GSG1L2: variants seen among roughly 807,000 people sequenced by gnomAD.
GSG1L2 encodes GSG1 like 2.
A neutral mutation model predicts 9.0 loss-of-function variants in GSG1L2; 15 were observed. The ratio of observed to expected loss-of-function variants is 1.67; its 90% confidence interval spans 1.12 to 2.57. GSG1L2 has a LOEUF of 2.57. Among genes scored for constraint, GSG1L2 ranks in the 30% most tolerant of loss-of-function variants. GSG1L2 has a pLI of 0.00. For synonymous variants in GSG1L2, 127 were observed against 57.9 expected (o/e 2.19, Z -5.41); for missense variants, 286 against 150.3 (o/e 1.90, Z -4.72).
rs2066496959 is a variant in GSG1L2 at position 9,801,563 on chromosome 17, C to T, written c.*823G>A. On this transcript the variant is annotated 3_prime_UTR_variant, in exon 5 of 5. Transcript: ENST00000399363. ...AATTATGTGTGGAACAACCTGTGGC[C>T]TGAATAACATGGTAGCTGGACATGG... Among the ~76,000 whole-genome samples the T allele has an allele frequency of 6.6e-6, 1 of 152,138 alleles. No homozygotes were observed. The highest frequency in any genetic ancestry group is 2.4e-5 in the African/African-American group (1 of 41,414).
intron 1 of GSG1L2, among the ~76,000 whole-genome samples, chr17:9,819,665 T>A (rs1000603134): frequency 6.6e-6 from 1 of 152,076 alleles, no homozygotes; most frequent in Non-Finnish European, 1.5e-5. Flanking sequence ...AGAGTTTTGC[T>A]CTTGTTGCCC....
chr17:9,816,860 A>C (rs111953440), intron 1 of GSG1L2, among the ~76,000 whole-genome samples: 2 of 130,592 alleles, frequency 1.5e-5, no homozygotes, highest in Admixed American at 7.2e-5. Context: ...GTGTATCTGT[A>C]TGTGTGTGTC....
At chr17:9,816,490 G>GCC (rs2066561808) in intron 1 of GSG1L2, among the ~76,000 whole-genome samples, 1 of 122,964 alleles carries the variant, frequency 8.1e-6, no homozygotes, top group Non-Finnish European at 1.7e-5. Flanking sequence ...GTGTGTGCAT[G>GCC]TGTCTGTGTG....
chr17:9,813,412 T>G (rs903671404), intron 1 of GSG1L2, among the ~76,000 whole-genome samples: 1 of 152,138 alleles, frequency 6.6e-6, no homozygotes, highest in African/African-American at 2.4e-5. Flanking sequence ...AAGGAGAATA[T>G]TTACACAGCC....
At chr17:9,817,882 C>T (rs1052446406) in intron 1 of GSG1L2, among the ~76,000 whole-genome samples, 7 of 152,248 alleles carry the variant, frequency 4.6e-5, no homozygotes, top group Admixed American at 1.3e-4. Context: ...CTTCTCTCCC[C>T]TGCCTTGCAT....
intron 2 of GSG1L2, chr17:9,809,626 G>T (rs1416163698): frequency 1.3e-5 from 2 of 155,012 alleles, no homozygotes; most frequent in Admixed American, 6.4e-5. Context: ...ATTTTACAGA[G>T]TGCTGATTGG....
At chr17:9,808,438 G>A (rs558544016) in intron 3 of GSG1L2, among the ~76,000 whole-genome samples, 2 of 152,174 alleles carry the variant, frequency 1.3e-5, no homozygotes, top group African/African-American at 4.8e-5. Context: ...ATACATTATA[G>A]TGTTCTGTCT....
At position 9,801,200 on chromosome 17, in the gene GSG1L2, C is replaced by A. The variant is rs527502883; in HGVS notation, c.*1186G>T. ...GGTTGTTAGAGTTTGCAGTCCCTTTCTTTTCTTTTTCTTTTTCTTTTTTTT... is the reference window on the plus strand; with the variant it reads ...GGTTGTTAGAGTTTGCAGTCCCTTTATTTTCTTTTTCTTTTTCTTTTTTTT... On this transcript the variant is annotated 3_prime_UTR_variant, in exon 5 of 5. Transcript: ENST00000399363. 1.1e-4 allele frequency among the ~76,000 whole-genome samples: 17 copies of A among 151,990 alleles called. No homozygotes were observed. The highest frequency in any genetic ancestry group is 1.6e-4 in the Non-Finnish European group (11 of 67,938).
At chr17:9,803,387 G>A (rs2066504957) in intron 4 of GSG1L2, among the ~76,000 whole-genome samples, 1 of 152,178 alleles carries the variant, frequency 6.6e-6, no homozygotes, top group Admixed American at 6.5e-5. Context: ...ACAGACATGA[G>A]CCACCGCGCC....
chr17:9,810,372 A>T (rs984544513), intron 2 of GSG1L2, 199 bp downstream of exon 2: 2 of 588,780 alleles, frequency 3.4e-6, no homozygotes, highest in Non-Finnish European at 6.0e-6. Context: ...CCACCCTACA[A>T]AGTTGGCTGT....
At chr17:9,807,929 C>A in intron 3 of GSG1L2, 1 of 234,624 alleles carries the variant, frequency 4.3e-6, no homozygotes, top group Non-Finnish European at 8.7e-6. Flanking sequence ...TGGTGGCATG[C>A]ACCTGTAATC....
intron 1 of GSG1L2, among the ~76,000 whole-genome samples, chr17:9,813,478 C>A (rs2066547137): frequency 6.6e-6 from 1 of 152,240 alleles, no homozygotes. Context: ...GCCACAGCGG[C>A]CTCTGCAGCA....
chr17:9,821,423 T>G (rs576261328), intron 1 of GSG1L2, among the ~76,000 whole-genome samples: 1 of 152,316 alleles, frequency 6.6e-6, no homozygotes, highest in East Asian at 1.9e-4. Context: ...GAAACTAATT[T>G]TAATAAACAC....
At chr17:9,813,690 C>T (rs1289639273) in intron 1 of GSG1L2, among the ~76,000 whole-genome samples, 11 of 152,196 alleles carry the variant, frequency 7.2e-5, no homozygotes, top group African/African-American at 1.7e-4. Context: ...TCTCTCACGT[C>T]GCCTCATCCG....
At chr17:9,811,620 C>A (rs2066539044) in intron 1 of GSG1L2, among the ~76,000 whole-genome samples, 1 of 152,210 alleles carries the variant, frequency 6.6e-6, no homozygotes. Flanking sequence ...ACTCTCTCTA[C>A]TAACACGTCA....
chr17:9,803,788 G>A (rs1351099551), intron 4 of GSG1L2: 1 of 152,248 alleles, frequency 6.6e-6, no homozygotes, highest in Non-Finnish European at 1.5e-5. Context: ...TACAGATGAG[G>A]AAACTGAGAC....
intron 3 of GSG1L2, chr17:9,807,926 A>G (rs893711923): frequency 4.1e-6 from 1 of 242,474 alleles, no homozygotes; most frequent in African/African-American, 2.2e-5. Flanking sequence ...GCATGGTGGC[A>G]TGCACCTGTA....
rs2066499139 is a variant in GSG1L2 at position 9,802,152 on chromosome 17, G to GTCAA, written c.*230_*233dup. On this transcript the variant is annotated 3_prime_UTR_variant, in exon 5 of 5. Coordinates refer to ENST00000399363, the MANE Select transcript of GSG1L2 (RefSeq NM_001310219.2). ...AAGAAGCTCTCTTTTATACTAGAGT[G>GTCAA]TCAATGGTTGATATCTTCAGTAAGC... is the stretch of plus-strand genomic sequence containing the variant. Among the ~76,000 whole-genome samples, 1 of 152,184 alleles carries GTCAA rather than the reference G, an allele frequency of 6.6e-6. No individual in the cohort carries two copies. The highest frequency in any genetic ancestry group is 1.5e-5 in the Non-Finnish European group (1 of 68,040).
At chr17:9,805,266 C>A (rs961594387) in intron 4 of GSG1L2, among the ~76,000 whole-genome samples, 1 of 151,746 alleles carries the variant, frequency 6.6e-6, no homozygotes, top group Non-Finnish European at 1.5e-5. Context: ...AAGGCTCCCC[C>A]CTCCCCCACC....
Sources: gnomAD v4.1 joint callset for allele counts (sites outside exome capture counted in the v4.1 genomes callset) on GRCh38, gnomAD v4.1.1 for gene constraint, MANE v1.5 for transcripts, NCBI Gene and HGNC (gene_info 2026-07-23, HGNC 2026-07-21) for gene names.